MYEF2: variants seen among roughly 807,000 people sequenced by gnomAD.
MYEF2 encodes myelin expression factor 2.
In MYEF2, 37 loss-of-function variants were observed where a neutral mutation model predicts 75.2. The observed-to-expected ratio is 0.49, with a 90% confidence interval of 0.38 to 0.65. The LOEUF is 0.65. Ranked by LOEUF, MYEF2 falls within the 30% of genes least tolerant of loss-of-function variation. The pLI, the probability that MYEF2 is intolerant of heterozygous loss-of-function variation, is 0.00. For synonymous variants in MYEF2, 195 were observed against 241.6 expected (o/e 0.81, Z 1.79); for missense variants, 634 against 771.4 (o/e 0.82, Z 2.11).
chr15:48,134,874 C>A lies in MYEF2; in HGVS notation c.*8034G>T. On this transcript the variant is annotated 3_prime_UTR_variant, in exon 17 of 17. Coordinates refer to ENST00000324324, the MANE Select transcript of MYEF2 (RefSeq NM_016132.5). ...CAATGTAATGGAAATAATAACTTAC[C>A]ATATTACAGGTCTCAACACTATCAT... is the stretch of plus-strand genomic sequence containing the variant. 6.3e-7 allele frequency: 1 copy of A among 1,585,328 alleles called. No homozygotes were observed. Among genetic ancestry groups the A allele is most frequent in the South Asian group, 1.1e-5 (1 of 87,050 alleles).
Position 48,137,208 on chromosome 15 carries a change from G to T in MYEF2, c.*5700C>A. 2.4e-6 allele frequency: 1 copy of T among 412,974 alleles called. No homozygotes were observed. The highest frequency in any genetic ancestry group is 4.0e-5 in the South Asian group (1 of 24,854). 25.6% of individuals were successfully genotyped at this position (412,974 alleles called of 1,614,324 possible). A position where few individuals can be genotyped will look rare whatever the true frequency, so the allele number is the denominator to read the frequency against. On this transcript the variant is annotated 3_prime_UTR_variant, in exon 17 of 17. Transcript: ENST00000324324. ...AAAGTGTGACTGTGGTTCACAAATG[G>T]GACAGATTGCCAAAATGTGGTGAGG...
At position 48,145,277 on chromosome 15, in the gene MYEF2, T is replaced by C. The variant is rs1020967145; in HGVS notation, c.1640-2206A>G. Among the ~76,000 whole-genome samples the C allele has an allele frequency of 2.0e-5, 3 of 151,896 alleles. No individual in the cohort carries two copies. In the South Asian group the frequency reaches 6.2e-4, roughly 31 times the overall value. On this transcript the variant is annotated intron_variant, in intron 16 of 16. Transcript: ENST00000324324. ...AAGAGTTATAGATGTTCTAAGTTTC[T>C]TCCTGATCCTATAAAAACACCAACT...
At chr15:48,158,266 A>C (rs780156199) in intron 7 of MYEF2, 42 bp from the exon 8 acceptor site, 1 of 1,575,802 alleles carries the variant, frequency 6.3e-7, no homozygotes, top group Admixed American at 1.7e-5. Flanking sequence ...ATAACTATAA[A>C]ATTATAACAG....
rs544905203 is a variant in MYEF2, at chr15:48,140,991, T to C, written c.*1917A>G. 1.7e-5 allele frequency: 12 copies of C among 723,224 alleles called. No individual in the cohort carries two copies. The highest frequency in any genetic ancestry group is 1.3e-4 in the South Asian group (7 of 54,330). 44.8% of individuals were successfully genotyped at this position (723,224 alleles called of 1,614,324 possible). A position where few individuals can be genotyped will look rare whatever the true frequency, so the allele number is the denominator to read the frequency against. ...TAAAAAACTAATAAGCAAGCACATATTGGCTCTGAATTCTAAATGTGCCTA... is the reference window on the plus strand; with the variant it reads ...TAAAAAACTAATAAGCAAGCACATACTGGCTCTGAATTCTAAATGTGCCTA... On this transcript the variant is annotated 3_prime_UTR_variant, in exon 17 of 17. Coordinates refer to ENST00000324324, the MANE Select transcript of MYEF2 (RefSeq NM_016132.5).
chr15:48,167,277 C>T (rs2040166518), intron 3 of MYEF2, 72 bp downstream of exon 3: 1 of 1,456,882 alleles, frequency 6.9e-7, no homozygotes, highest in African/African-American at 1.4e-5. Context: ...AAAACTGGTA[C>T]AAGTATTATA....
At position 48,178,216 on chromosome 15, in the gene MYEF2, C is replaced by T. The variant is rs751858428; in HGVS notation, c.22G>A (p.Glu8Lys). MADANKA[E>K]VPGATGGDSP... Reference sequence around the variant, plus strand: ...TCGCCACCAGTGGCCCCGGGCACCTCGGCCTTGTTGGCGTCCGCCATCCCG... The same window carrying T: ...TCGCCACCAGTGGCCCCGGGCACCTTGGCCTTGTTGGCGTCCGCCATCCCG... The change falls in exon 1 of 17, where the codon GAG becomes AAG. Residue 8 changes from glutamate (E) to lysine (K), a missense_variant. Glu to Lys is a moderately conservative substitution (Grantham distance 56, BLOSUM62 1). Transcript: ENST00000324324. 1.2e-5 allele frequency: 18 copies of T among 1,458,164 alleles called. No homozygotes were observed. Among genetic ancestry groups the T allele is most frequent in the Middle Eastern group, 2.5e-4 (1 of 4,064 alleles). The allele number at this position is 1,458,164 out of a possible 1,614,324, so 90.3% of individuals were successfully genotyped here.
chr15:48,138,724 G>T lies in MYEF2; in HGVS notation c.*4184C>A. The T allele has an allele frequency of 2.3e-6, 1 of 436,450 alleles. No homozygotes were observed. Among genetic ancestry groups the T allele is most frequent in the South Asian group, 3.2e-5 (1 of 31,674 alleles). The allele number at this position is 436,450 out of a possible 1,614,324, so 27.0% of individuals were successfully genotyped here. ...ACAATATATTTAACGAATGGCCCAA[G>T]ACATTTTTATAGATTTAAGGCCCCA... On this transcript the variant is annotated 3_prime_UTR_variant, in exon 17 of 17. Transcript: ENST00000324324.
intron 16 of MYEF2, among the ~76,000 whole-genome samples, chr15:48,144,503 G>A (rs1368962790): frequency 6.6e-6 from 1 of 151,870 alleles, no homozygotes; most frequent in East Asian, 1.9e-4. Context: ...CTTTAAATGT[G>A]TTCTGAAAAG....
At chr15:48,153,459 T>C (rs1567249897) in intron 10 of MYEF2, 1 of 159,594 alleles carries the variant, frequency 6.3e-6, no homozygotes, top group Non-Finnish European at 1.4e-5. Context: ...AAACAGATTT[T>C]AGCTGCCTAT....
chr15:48,148,219 G>A (rs2039362698), intron 16 of MYEF2, among the ~76,000 whole-genome samples: 1 of 151,776 alleles, frequency 6.6e-6, no homozygotes, highest in South Asian at 2.1e-4. Flanking sequence ...CCATGCAATA[G>A]CAGAAAAATA....
At position 48,149,611 on chromosome 15, in the gene MYEF2, T is replaced by C; in HGVS notation, c.1379-240A>G. ...ATACATTTAGTTAGCTGAGAAATTC[T>C]AGCCACTGTATAAATACATTATGCA... On this transcript the variant is annotated intron_variant, in intron 14 of 16. Transcript: ENST00000324324. This position sits in a 1 kb window ranked among gnomAD's most constrained non-coding sequence, Gnocchi z 4.0. The C allele has an allele frequency of 3.2e-6, 1 of 310,840 alleles. No individual in the cohort carries two copies. Among genetic ancestry groups the C allele is most frequent in the Non-Finnish European group, 5.8e-6 (1 of 172,914 alleles). 19.3% of individuals were successfully genotyped at this position (310,840 alleles called of 1,614,324 possible). A position where few individuals can be genotyped will look rare whatever the true frequency, so the allele number is the denominator to read the frequency against.
chr15:48,147,946 G>A (rs1324208600), intron 16 of MYEF2, among the ~76,000 whole-genome samples: 2 of 151,874 alleles, frequency 1.3e-5, no homozygotes, highest in East Asian at 3.9e-4. Context: ...ATGTACAGAG[G>A]CAATAAAAGG....
intron 16 of MYEF2, among the ~76,000 whole-genome samples, chr15:48,146,636 A>C (rs1327761915): frequency 1.3e-5 from 2 of 151,992 alleles, no homozygotes; most frequent in East Asian, 3.9e-4. Context: ...GATATTGTTT[A>C]TGGGAGATGC....
intron 5 of MYEF2, among the ~76,000 whole-genome samples, chr15:48,163,467 T>C (rs1355809625): frequency 6.6e-6 from 1 of 152,176 alleles, no homozygotes; most frequent in Non-Finnish European, 1.5e-5. Flanking sequence ...GCCATCTCTA[T>C]AACATAAAAG....
chr15:48,141,078 T>C lies in MYEF2; in HGVS notation c.*1830A>G. ...CTGCAAAGGATGGTTAGTGAATCTT[T>C]AAGATTTGTAACTTGAAATATCTGT... On this transcript the variant is annotated 3_prime_UTR_variant, in exon 17 of 17. Transcript: ENST00000324324. 1 of 1,537,780 alleles carries C rather than the reference T, an allele frequency of 6.5e-7. No individual in the cohort carries two copies. Among genetic ancestry groups the C allele is most frequent in the Non-Finnish European group, 9.0e-7 (1 of 1,115,616 alleles).
intron 9 of MYEF2, 176 bp from the exon 10 acceptor site, chr15:48,154,069 A>G: frequency 1.9e-6 from 1 of 525,920 alleles, no homozygotes; most frequent in African/African-American, 1.9e-5. Context: ...AAGCCCGACT[A>G]TAAAACCATT....
rs908666068 is a variant in MYEF2, at chr15:48,139,522, A to T, written c.*3386T>A. On this transcript the variant is annotated 3_prime_UTR_variant, in exon 17 of 17. Transcript: ENST00000324324. ...TTTATATTGAATTCCATTCCATAATAAAAAAAAAAAAGAACAAAAAAACAA... is the reference window on the plus strand; with the variant it reads ...TTTATATTGAATTCCATTCCATAATTAAAAAAAAAAAGAACAAAAAAACAA... 7.1e-5 allele frequency: 8 copies of T among 113,336 alleles called. No individual in the cohort carries two copies. Among genetic ancestry groups the T allele is most frequent in the Non-Finnish European group, 1.1e-4 (7 of 63,926 alleles). 7.0% of individuals were successfully genotyped at this position (113,336 alleles called of 1,614,324 possible).
intron 5 of MYEF2, among the ~76,000 whole-genome samples, chr15:48,163,766 G>T (rs537305102): frequency 6.6e-6 from 1 of 152,088 alleles, no homozygotes; most frequent in Non-Finnish European, 1.5e-5. Flanking sequence ...AAATCCTAGG[G>T]CCCTTAATAA....
chr15:48,154,379 A>G (rs911644439), intron 9 of MYEF2, among the ~76,000 whole-genome samples: 4 of 152,114 alleles, frequency 2.6e-5, no homozygotes, highest in East Asian at 1.9e-4. Flanking sequence ...ATTGATATAA[A>G]TATTTATTTA....
Sources: gnomAD v4.1 joint callset for allele counts (sites outside exome capture counted in the v4.1 genomes callset) on GRCh38, gnomAD v4.1.1 for gene constraint, Gnocchi (gnomAD v3.1) non-coding constraint, MANE v1.5 for transcripts, NCBI Gene and HGNC (gene_info 2026-07-23, HGNC 2026-07-21) for gene names.